GRIP1: variants seen among roughly 807,000 people sequenced by gnomAD.
The protein encoded by GRIP1 is glutamate receptor-interacting protein 1.
In GRIP1, 45 loss-of-function variants were observed where a neutral mutation model predicts 129.9. The observed-to-expected ratio is 0.35, with a 90% confidence interval of 0.27 to 0.44. The LOEUF is 0.44. Ranked by LOEUF, GRIP1 falls within the 20% of genes least tolerant of loss-of-function variation. The probability of loss-of-function intolerance (pLI) is 1.00; values close to 1 mark genes in which losing one functional copy is unlikely to be tolerated. For synonymous variants in GRIP1, 530 were observed against 520.8 expected (o/e 1.02, Z -0.24); for missense variants, 1,196 against 1,396.8 (o/e 0.86, Z 2.29).
chr12:66,906,042 G>C (rs1172199268), intron 1 of GRIP1, among the ~76,000 whole-genome samples: 1 of 152,132 alleles, frequency 6.6e-6, no homozygotes, highest in East Asian at 1.9e-4. Context: ...ATGCTCAATT[G>C]AAAATCTGAC....
chr12:66,458,978 A>G (rs1355945262), intron 9 of GRIP1, among the ~76,000 whole-genome samples: 1 of 152,102 alleles, frequency 6.6e-6, no homozygotes, highest in Non-Finnish European at 1.5e-5. Context: ...ATGCTATCTC[A>G]TTACTGTTTT....
intron 1 of GRIP1, among the ~76,000 whole-genome samples, chr12:66,761,330 C>T (rs1342179448): frequency 6.6e-6 from 1 of 152,104 alleles, no homozygotes; most frequent in Admixed American, 6.5e-5. Context: ...CACACATCTG[C>T]CATGTCCTCC....
chr12:66,664,451 A>G (rs558682262), intron 1 of GRIP1, among the ~76,000 whole-genome samples: 13 of 152,188 alleles, frequency 8.5e-5, no homozygotes, highest in Non-Finnish European at 1.9e-4. Context: ...AGGTATGATT[A>G]TGTCTTCAGG....
intron 1 of GRIP1, among the ~76,000 whole-genome samples, chr12:66,996,355 ACT>A (rs537048267): frequency 6.6e-6 from 1 of 150,550 alleles, no homozygotes; most frequent in Non-Finnish European, 1.5e-5. Context: ...ACAATTTGAA[ACT>A]CTTTCACAAT....
chr12:66,657,843 T>C (rs1010319388), intron 1 of GRIP1, among the ~76,000 whole-genome samples: 1 of 152,206 alleles, frequency 6.6e-6, no homozygotes, highest in Non-Finnish European at 1.5e-5. Context: ...GGCCGTAATG[T>C]CTCCAAGGCG....
intron 3 of GRIP1, among the ~76,000 whole-genome samples, chr12:66,541,235 T>C (rs778934855): frequency 1.1e-4 from 16 of 152,190 alleles, no homozygotes; most frequent in African/African-American, 1.4e-4. Context: ...CAATAACTAG[T>C]GGAATTTGCA....
intron 1 of GRIP1, among the ~76,000 whole-genome samples, chr12:66,965,578 T>TGG: frequency 6.6e-6 from 1 of 151,282 alleles, no homozygotes; most frequent in African/African-American, 2.4e-5. Flanking sequence ...TGTGTGTGTG[T>TGG]GTGTGTGTGT....
intron 1 of GRIP1, among the ~76,000 whole-genome samples, chr12:66,834,864 G>A (rs935514422): frequency 7.2e-6 from 1 of 139,162 alleles, no homozygotes; most frequent in Non-Finnish European, 1.5e-5. Context: ...AAGGCTATAC[G>A]AGCTATGCTC....
At chr12:66,925,028 C>T (rs1041763524) in intron 1 of GRIP1, among the ~76,000 whole-genome samples, 2 of 152,106 alleles carry the variant, frequency 1.3e-5, no homozygotes, top group Admixed American at 6.5e-5. Context: ...AATATAAATA[C>T]ATTATATTAG....
chr12:66,928,089 G>A (rs1047455347), intron 1 of GRIP1, among the ~76,000 whole-genome samples: 16 of 152,182 alleles, frequency 1.1e-4, no homozygotes, highest in African/African-American at 3.1e-4. Flanking sequence ...CACTGTCTGC[G>A]CTCCGGACTT....
At chr12:66,718,143 T>C (rs1000036019) in intron 1 of GRIP1, among the ~76,000 whole-genome samples, 1 of 152,150 alleles carries the variant, frequency 6.6e-6, no homozygotes, top group African/African-American at 2.4e-5. Context: ...CAATGGCTGG[T>C]CACTCCTCCC....
chr12:66,395,657 C>T (rs2056759654), intron 16 of GRIP1, among the ~76,000 whole-genome samples: 1 of 152,224 alleles, frequency 6.6e-6, no homozygotes, highest in South Asian at 2.1e-4. Context: ...CCTCCACTTT[C>T]TGAGTGCTCT....
Position 66,568,494 on chromosome 12 carries a change from T to C in GRIP1, c.137-26544A>G, listed in dbSNP as rs531114883. 20 of 178,568 alleles carry C rather than the reference T, an allele frequency of 1.1e-4. No homozygotes were observed. In the South Asian group the frequency reaches 2.9e-3, roughly 26 times the overall value. 11.1% of individuals were successfully genotyped at this position (178,568 alleles called of 1,614,324 possible). A position where few individuals can be genotyped will look rare whatever the true frequency, so the allele number is the denominator to read the frequency against. On this transcript the variant is annotated intron_variant, in intron 2 of 24. Transcript: ENST00000359742. ...TGGACCCTGCCTCCTCCTTGTCAGG[T>C]CTCTCATCATGTGAATCAAGAGTCA...
At chr12:66,462,488 C>G (rs1469778981) in intron 9 of GRIP1, among the ~76,000 whole-genome samples, 1 of 152,046 alleles carries the variant, frequency 6.6e-6, no homozygotes, top group Admixed American at 6.6e-5. Context: ...ATAGCACTAG[C>G]CTGAAAATTT....
rs1428764453 is a variant in GRIP1, at chr12:66,394,319, G to T, written c.2018C>A (p.Thr673Asn). 1.9e-6 allele frequency: 3 copies of T among 1,613,770 alleles called. No individual in the cohort carries two copies. The highest frequency in any genetic ancestry group is 1.7e-6 in the Non-Finnish European group (2 of 1,179,766). The change falls in exon 17 of 25, where the codon ACC (threonine) becomes AAC (asparagine). Residue 673 changes from threonine to asparagine, a missense_variant. Thr to Asn is a moderately conservative substitution (Grantham distance 65). Coordinates refer to ENST00000359742, the MANE Select transcript of GRIP1 (RefSeq NM_001366722.1). ...EQESSGAIIY[T>N]VELKRYGGPL... ...CCCCCCGTAGCGTTTAAGCTCCACGGTGTAAATAATTGCTCCGGAACTTTC... is the reference window on the plus strand; with the variant it reads ...CCCCCCGTAGCGTTTAAGCTCCACGTTGTAAATAATTGCTCCGGAACTTTC...
At chr12:67,008,231 C>G (rs1374609530) in intron 1 of GRIP1, among the ~76,000 whole-genome samples, 4 of 152,090 alleles carry the variant, frequency 2.6e-5, no homozygotes, top group Admixed American at 2.0e-4. Context: ...GGTACTGCCC[C>G]GTTCATGCTC....
chr12:66,847,381 T>C (rs546899761), intron 1 of GRIP1, among the ~76,000 whole-genome samples: 2 of 152,312 alleles, frequency 1.3e-5, no homozygotes, highest in South Asian at 4.1e-4. Context: ...GTCTTGTCTA[T>C]ATATGTATAT....
intron 2 of GRIP1, among the ~76,000 whole-genome samples, chr12:66,544,949 T>G (rs754194558): frequency 2.0e-5 from 3 of 152,194 alleles, no homozygotes; most frequent in Non-Finnish European, 4.4e-5. Flanking sequence ...GAACAAACAC[T>G]GTGGTAAAAC....
chr12:66,599,614 G>C (rs1032808594), intron 1 of GRIP1, among the ~76,000 whole-genome samples: 1 of 152,178 alleles, frequency 6.6e-6, no homozygotes, highest in Admixed American at 6.5e-5. Flanking sequence ...CACACTGAAT[G>C]AATCCGTGGC....
Sources: gnomAD v4.1 joint callset for allele counts (sites outside exome capture counted in the v4.1 genomes callset) on GRCh38, gnomAD v4.1.1 for gene constraint, MANE v1.5 for transcripts, NCBI Gene and HGNC (gene_info 2026-07-23, HGNC 2026-07-21) for gene names.